LINGO2: variants seen among roughly 807,000 people sequenced by gnomAD.
LINGO2 encodes leucine rich repeat and Ig domain containing 2, also known as leucine-rich repeat and immunoglobulin-like domain-containing nogo receptor-interacting protein 2.
In LINGO2, 14 loss-of-function variants were observed where a neutral mutation model predicts 30.6. That is an observed-to-expected ratio of 0.46 (90% CI 0.30 to 0.72). The LOEUF (loss-of-function observed/expected upper bound fraction) is 0.72. Among genes scored for constraint, LINGO2 ranks in the 30% least tolerant of loss-of-function variants. LINGO2 has a pLI of 0.07. For missense variants in LINGO2, 729 were observed against 751.7 expected (o/e 0.97, Z 0.35); for synonymous variants, 317 against 288.5 (o/e 1.10, Z -1.00).
At chr9:28,121,402 T>TACACAGGAATTTTATC (rs1827093669) in intron 4 of LINGO2, among the ~76,000 whole-genome samples, 1 of 152,220 alleles carries the variant, frequency 6.6e-6, no homozygotes, top group Non-Finnish European at 1.5e-5. Context: ...CTTGCTTTAT[T>TACACAGGAATTTTATC]GTTACACAGG....
At position 28,048,200 on chromosome 9, in the gene LINGO2, G is replaced by T. The variant is rs144479422; in HGVS notation, c.-86-35795C>A. 4.6e-5 allele frequency among the ~76,000 whole-genome samples: 7 copies of T among 150,980 alleles called. 1 individual carries two copies. Among genetic ancestry groups the T allele is most frequent in the African/African-American group, 1.7e-4 (7 of 40,922 alleles). On this transcript the variant is annotated intron_variant, in intron 4 of 5. Transcript: ENST00000379992. Reference sequence around the variant, plus strand: ...TAAAATATAACAATTTAGGAAACAAGTGTTAGAGGCATGCCTTACACAATG... The same window carrying T: ...TAAAATATAACAATTTAGGAAACAATTGTTAGAGGCATGCCTTACACAATG...
intron 1 of LINGO2, among the ~76,000 whole-genome samples, chr9:28,588,965 A>G (rs1489804709): frequency 6.6e-6 from 1 of 152,032 alleles, no homozygotes; most frequent in Non-Finnish European, 1.5e-5. Flanking sequence ...TGGGCTGCCA[A>G]TGAGTCTTAA....
intron 4 of LINGO2, among the ~76,000 whole-genome samples, chr9:28,139,736 C>T (rs1446403557): frequency 6.6e-6 from 1 of 151,346 alleles, no homozygotes; most frequent in Non-Finnish European, 1.5e-5. Flanking sequence ...AAAGGTATCA[C>T]GAAATAAAAA....
rs945922886 is a variant in LINGO2, at chr9:28,050,968, A to ACT, written c.-86-38565_-86-38564dup. On this transcript the variant is annotated intron_variant, in intron 4 of 5. Coordinates refer to ENST00000379992, the Ensembl canonical transcript of LINGO2. Reference sequence around the variant, plus strand: ...GTTATGACAGTGGTGGGCTCAACATACTCATCAGTAAGAAGTATAGATGAA... The same window carrying ACT: ...GTTATGACAGTGGTGGGCTCAACATACTCTCATCAGTAAGAAGTATAGATGAA... Among the ~76,000 whole-genome samples the ACT allele has an allele frequency of 1.3e-5, 2 of 151,008 alleles. 1 individual carries two copies. The highest frequency in any genetic ancestry group is 4.9e-5 in the African/African-American group (2 of 40,874).
chr9:28,841,089 A>G, the LINGO2 span, among the ~76,000 whole-genome samples: 1 of 151,770 alleles, frequency 6.6e-6, no homozygotes, highest in East Asian at 1.9e-4. Context: ...GTAACCTCCA[A>G]ATGTTTACGC....
Position 28,274,978 on chromosome 9 carries a change from A to G in LINGO2, c.-87+20230T>C, listed in dbSNP as rs116663749. 2.9e-3 allele frequency among the ~76,000 whole-genome samples: 435 copies of G among 152,220 alleles called. 3 individuals are homozygous for G. Among genetic ancestry groups the G allele is most frequent in the African/African-American group, 0.01 (417 of 41,534 alleles). On this transcript the variant is annotated intron_variant, in intron 4 of 5. Coordinates refer to ENST00000379992, the Ensembl canonical transcript of LINGO2. ...TCAGCAGTAGAGTAAGCCTTTATTG[A>G]TTTCCTGTCAGTATGAGTATCTTCA...
At chr9:28,723,948 A>T in the LINGO2 span, among the ~76,000 whole-genome samples, 1 of 152,130 alleles carries the variant, frequency 6.6e-6, no homozygotes, top group Non-Finnish European at 1.5e-5. Flanking sequence ...AAGATGAGCT[A>T]TTCTTTTTTT....
At chr9:28,018,527 G>A (rs1427074476) in intron 4 of LINGO2, among the ~76,000 whole-genome samples, 1 of 152,036 alleles carries the variant, frequency 6.6e-6, no homozygotes, top group African/African-American at 2.4e-5. Context: ...TTAAAAAGTA[G>A]ACAAAGGACA....
chr9:29,015,688 C>G, the LINGO2 span, among the ~76,000 whole-genome samples: 5 of 152,080 alleles, frequency 3.3e-5, no homozygotes, highest in East Asian at 9.6e-4. Context: ...TAGGGTAATG[C>G]TTGTAAGGTC....
At chr9:28,383,573 G>A (rs954556914) in intron 2 of LINGO2, among the ~76,000 whole-genome samples, 5 of 151,970 alleles carry the variant, frequency 3.3e-5, no homozygotes, top group Non-Finnish European at 5.9e-5. Flanking sequence ...AACTCACAGT[G>A]CACGAAGCCA....
At chr9:28,031,578 TCTCA>T (rs1299124600) in intron 4 of LINGO2, among the ~76,000 whole-genome samples, 2 of 152,190 alleles carry the variant, frequency 1.3e-5, no homozygotes, top group Non-Finnish European at 2.9e-5. Flanking sequence ...CTTAGCTACT[TCTCA>T]CTCACTTTCC....
chr9:28,306,580 G>A (rs556748074), intron 3 of LINGO2, among the ~76,000 whole-genome samples: 100 of 152,148 alleles, frequency 6.6e-4, no homozygotes, highest in African/African-American at 2.4e-3. Context: ...ACTAAAATCA[G>A]AGCAGAACTG....
At chr9:28,144,100 A>G (rs1430793733) in intron 4 of LINGO2, among the ~76,000 whole-genome samples, 1 of 152,212 alleles carries the variant, frequency 6.6e-6, no homozygotes, top group Non-Finnish European at 1.5e-5. Flanking sequence ...TTGAACAGAC[A>G]GAAAAATAAA....
At chr9:29,059,979 T>C in the LINGO2 span, among the ~76,000 whole-genome samples, 1 of 152,044 alleles carries the variant, frequency 6.6e-6, no homozygotes, top group Non-Finnish European at 1.5e-5. Context: ...TGATTACAAC[T>C]AAAAATTCTG....
intron 3 of LINGO2, among the ~76,000 whole-genome samples, chr9:28,332,401 G>C (rs764045398): frequency 6.6e-6 from 1 of 152,100 alleles, no homozygotes; most frequent in Non-Finnish European, 1.5e-5. Flanking sequence ...CACATGGAAG[G>C]TTTCTCTGGA....
At chr9:28,542,939 C>A (rs866070115) in intron 1 of LINGO2, among the ~76,000 whole-genome samples, 10 of 151,956 alleles carry the variant, frequency 6.6e-5, no homozygotes, top group African/African-American at 2.4e-4. Flanking sequence ...TAGGAATGGG[C>A]AGAAAGGAGC....
the LINGO2 span, among the ~76,000 whole-genome samples, chr9:28,747,893 A>G: frequency 6.6e-6 from 1 of 152,078 alleles, no homozygotes; most frequent in Non-Finnish European, 1.5e-5. Context: ...AGAACCTATA[A>G]ACACAAAAGA....
intron 1 of LINGO2, among the ~76,000 whole-genome samples, chr9:28,599,678 G>A (rs1401702055): frequency 6.6e-6 from 1 of 152,040 alleles, no homozygotes; most frequent in Non-Finnish European, 1.5e-5. Flanking sequence ...TTAACTGACA[G>A]GCCATCAATA....
At chr9:28,134,519 C>T (rs1827462419) in intron 4 of LINGO2, among the ~76,000 whole-genome samples, 1 of 152,202 alleles carries the variant, frequency 6.6e-6, no homozygotes, top group Admixed American at 6.5e-5. Context: ...GGCAGAGCCA[C>T]CTGGGAGGAA....
Sources: allele counts gnomAD v4.1 joint callset (sites outside exome capture counted in the v4.1 genomes callset), GRCh38; gene constraint gnomAD v4.1.1; transcripts MANE v1.5; gene names NCBI Gene and HGNC (gene_info 2026-07-23, HGNC 2026-07-21).